PCDHA4: variants seen among roughly 807,000 people sequenced by gnomAD.
PCDHA4 encodes protocadherin alpha 4, also known as protocadherin alpha-4.
PCDHA4 carries 49 observed loss-of-function variants against 61.4 expected under a neutral mutation model. The ratio of observed to expected loss-of-function variants is 0.80; its 90% CI spans 0.63 to 1.01. The LOEUF (loss-of-function observed/expected upper bound fraction) is 1.01, where lower values mean the gene tolerates loss of function less well. Among genes scored for constraint, PCDHA4 ranks in the 50% least tolerant of loss-of-function variants. PCDHA4 has a pLI of 0.00. For missense variants in PCDHA4, 1,254 were observed against 1,235.8 expected (o/e 1.01, Z -0.22); for synonymous variants, 590 against 550.3 (o/e 1.07, Z -1.01).
intron 3 of PCDHA4, among the ~76,000 whole-genome samples, chr5:140,983,433 G>A (rs1306046524): frequency 1.3e-5 from 2 of 152,208 alleles, no homozygotes; most frequent in African/African-American, 4.8e-5. Context: ...CACAAATTGT[G>A]TCTACTCTAA....
chr5:140,975,841 G>T (rs1389959509), intron 1 of PCDHA4, among the ~76,000 whole-genome samples: 1 of 152,066 alleles, frequency 6.6e-6, no homozygotes, highest in Non-Finnish European at 1.5e-5. Context: ...TTATTCTTCA[G>T]TAATACTACA....
rs1563376756 is a variant in PCDHA4, at chr5:140,968,306, C to G, written c.2386-10643C>G. 1.9e-6 allele frequency: 3 copies of G among 1,613,808 alleles called. No individual in the cohort carries two copies. The highest frequency in any genetic ancestry group is 2.5e-6 in the Non-Finnish European group (3 of 1,179,908). On this transcript the variant is annotated intron_variant, in intron 1 of 3. Transcript: ENST00000530339. ...CTACTCCCTTCTGGAGAGGGAGATT[C>G]AAGGGCTGCCAGTCACCTCCTATGT... is the stretch of plus-strand genomic sequence containing the variant.
intron 1 of PCDHA4, among the ~76,000 whole-genome samples, chr5:140,943,614 A>G (rs1269579212): frequency 6.6e-6 from 1 of 152,220 alleles, no homozygotes; most frequent in Admixed American, 6.5e-5. Context: ...ACTTTGATTC[A>G]TCTGCATAAG....
rs782016802 is a variant in PCDHA4 at position 140,809,548 on chromosome 5, G to C, written c.2361G>C (p.Gln787His). 2 of 1,612,158 alleles carry C rather than the reference G, an allele frequency of 1.2e-6. No individual in the cohort carries two copies. The highest frequency in any genetic ancestry group is 1.7e-6 in the Non-Finnish European group (2 of 1,178,996). ...CTAGGGACAGAGAAGATCAGCTGCA[G>C]ACAACTGAGGAATCCTTTGCAAAGG... is the stretch of plus-strand genomic sequence containing the variant. ...PDSRDREDQLQTTEESFAKPR... is the reference protein window; with the variant it reads ...PDSRDREDQLHTTEESFAKPR... Residue 787 changes from glutamine (Q) to histidine (H), a missense_variant, in exon 1 of 4, where the codon CAG (glutamine) becomes CAC (histidine). Transcript: ENST00000530339.
In PCDHA4 at chr5:140,877,149, C is replaced by G. The variant is rs2056888845; in HGVS notation, c.2385+67577C>G. The G allele has an allele frequency of 2.5e-6, 4 of 1,613,648 alleles. No individual in the cohort carries two copies. The highest frequency in any genetic ancestry group is 1.1e-5 in the South Asian group (1 of 91,078). On this transcript the variant is annotated intron_variant, in intron 1 of 3. Coordinates refer to ENST00000530339, the MANE Select transcript of PCDHA4 (RefSeq NM_018907.4). ...TGCAGGTGTTCGTGCTGGACGAGAA[C>G]GACAACGCGCCGGCACTGCTGGCGA... is the stretch of plus-strand genomic sequence containing the variant.
At chr5:140,926,749 G>C (rs541261946) in intron 1 of PCDHA4, 4 of 1,237,260 alleles carry the variant, frequency 3.2e-6, no homozygotes, top group Non-Finnish European at 3.1e-6. Context: ...CAACGTCGGC[G>C]GTCGCTGAGT....
rs557901977 is a variant in PCDHA4 at position 140,876,312 on chromosome 5, G to A, written c.2385+66740G>A. 4.3e-6 allele frequency: 7 copies of A among 1,614,036 alleles called. No individual in the cohort carries two copies. In the East Asian group the frequency reaches 1.6e-4, roughly 36 times the overall value. On this transcript the variant is annotated intron_variant, in intron 1 of 3. Coordinates refer to ENST00000530339, the MANE Select transcript of PCDHA4 (RefSeq NM_018907.4). ...GACTTAATGGAGAAATTTCCTATGG[G>A]ATCAAAATGATTTTGCCAGTGAGTG...
intron 1 of PCDHA4, chr5:140,967,956 A>C: frequency 6.2e-7 from 1 of 1,614,172 alleles, no homozygotes; most frequent in Non-Finnish European, 8.5e-7. Context: ...TCAGGCCCCA[A>C]CCGGAAAGTG....
chr5:140,953,536 A>G (rs2094900021), intron 1 of PCDHA4, among the ~76,000 whole-genome samples: 1 of 152,124 alleles, frequency 6.6e-6, no homozygotes, highest in Non-Finnish European at 1.5e-5. Flanking sequence ...AACTCACTTC[A>G]TGCTGATTCT....
rs782163702 is a variant in PCDHA4, at chr5:140,979,042, C to G, written c.2444+35C>G. 3.1e-6 allele frequency: 5 copies of G among 1,612,562 alleles called. No individual in the cohort carries two copies. The South Asian group carries it at 4.4e-5, about 14-fold the overall frequency. Reference sequence around the variant, plus strand: ...TCCCTCCTCATTCACTCAGAAGTAACCTTAACTTGGTATGGCTCAGATAAA... The same window carrying G: ...TCCCTCCTCATTCACTCAGAAGTAAGCTTAACTTGGTATGGCTCAGATAAA... On this transcript the variant is annotated intron_variant, in intron 2 of 3. Coordinates refer to ENST00000530339, the MANE Select transcript of PCDHA4 (RefSeq NM_018907.4).
At chr5:140,824,307 A>G (rs2150134018) in intron 1 of PCDHA4, 9 of 785,582 alleles carry the variant, frequency 1.1e-5, no homozygotes, top group Admixed American at 2.5e-5. Context: ...CTGGGGTAAT[A>G]GATTCATCAG....
chr5:140,850,280 C>T lies in PCDHA4; in HGVS notation c.2385+40708C>T. ...CCGGCGTAGTGGTGGGGAAGGTGCG[C>T]GCAGTGGACGCCGACTCGGGCTACA... is the stretch of plus-strand genomic sequence containing the variant. On this transcript the variant is annotated intron_variant, in intron 1 of 3. Coordinates refer to ENST00000530339, the MANE Select transcript of PCDHA4 (RefSeq NM_018907.4). The T allele has an allele frequency of 3.1e-6, 5 of 1,595,478 alleles. 1 individual carries two copies. Among genetic ancestry groups the T allele is most frequent in the Non-Finnish European group, 8.6e-7 (1 of 1,167,556 alleles).
intron 1 of PCDHA4, among the ~76,000 whole-genome samples, chr5:140,831,520 CTTTTTTTTTT>C (rs35178185): frequency 8.2e-5 from 10 of 122,404 alleles, no homozygotes; most frequent in African/African-American, 3.2e-4. Flanking sequence ...TGCCCCCCAC[CTTTTTTTTTT>C]TTTTTTTTTT....
intron 1 of PCDHA4, chr5:140,927,331 A>T: frequency 6.2e-7 from 1 of 1,614,134 alleles, no homozygotes; most frequent in Non-Finnish European, 8.5e-7. Flanking sequence ...TACTCTCCCG[A>T]ATGCCCAAGA....
At chr5:140,853,797 T>G (rs2042870109) in intron 1 of PCDHA4, 4 of 987,438 alleles carry the variant, frequency 4.1e-6, no homozygotes, top group Non-Finnish European at 4.9e-6. Context: ...AATTTTCATT[T>G]TAAAGCACAC....
chr5:140,839,976 A>G (rs1776500319), intron 1 of PCDHA4, among the ~76,000 whole-genome samples: 1 of 152,102 alleles, frequency 6.6e-6, no homozygotes, highest in African/African-American at 2.4e-5. Flanking sequence ...TATGACTCCT[A>G]TTGGAAAGTG....
chr5:140,828,244 C>T (rs1769643037), intron 1 of PCDHA4: 3 of 1,613,960 alleles, frequency 1.9e-6, no homozygotes, highest in East Asian at 2.2e-5. Context: ...TCGCGCAGGA[C>T]CTGGGGCTGG....
At chr5:140,823,390 G>A (rs371642015) in intron 1 of PCDHA4, 1 of 1,612,906 alleles carries the variant, frequency 6.2e-7, no homozygotes, top group Non-Finnish European at 8.5e-7. Context: ...CGCGCGCGAC[G>A]CGGGCGTGCC....
chr5:140,900,141 A>G (rs2067777266), intron 1 of PCDHA4, among the ~76,000 whole-genome samples: 1 of 152,202 alleles, frequency 6.6e-6, no homozygotes, highest in Middle Eastern at 3.2e-3. Context: ...ACAAATAAGT[A>G]AGAACATACG....
Sources: gnomAD v4.1 joint callset for allele counts (sites outside exome capture counted in the v4.1 genomes callset) on GRCh38, gnomAD v4.1.1 for gene constraint, MANE v1.5 for transcripts, NCBI Gene and HGNC (gene_info 2026-07-23, HGNC 2026-07-21) for gene names.